The following SSBP3 variants were observed in gnomAD, a reference collection of about 807,000 sequenced individuals.
The protein encoded by SSBP3 is single stranded DNA binding protein 3.
Under a neutral mutation model 69.6 loss-of-function variants are expected in SSBP3, and 5 were observed. The observed-to-expected ratio is 0.07, with a 90% CI of 0.04 to 0.15. The LOEUF is 0.15. Among genes scored for constraint, SSBP3 ranks in the 10% least tolerant of loss-of-function variants. SSBP3 has a pLI of 1.00. For synonymous variants in SSBP3, 196 were observed against 193.4 expected (o/e 1.01, Z -0.11); for missense variants, 312 against 534.0 (o/e 0.58, Z 4.10).
chr1:54,245,307 G>A (rs186114537), intron 9 of SSBP3, among the ~76,000 whole-genome samples: 48 of 152,276 alleles, frequency 3.2e-4, no homozygotes, highest in Admixed American at 2.6e-3. Context: ...GAAGGTCTGA[G>A]GGAGAAAGTT....
intron 4 of SSBP3, among the ~76,000 whole-genome samples, chr1:54,322,931 G>T (rs572709617): frequency 6.6e-6 from 1 of 152,204 alleles, no homozygotes; most frequent in African/African-American, 2.4e-5. Flanking sequence ...ATAAAAAGCC[G>T]TAATTGTCCC....
intron 4 of SSBP3, among the ~76,000 whole-genome samples, chr1:54,302,843 A>C (rs1645827272): frequency 6.6e-6 from 1 of 152,196 alleles, no homozygotes; most frequent in African/African-American, 2.4e-5. Flanking sequence ...CTGCAGACCA[A>C]GTCAGTGCGG....
intron 4 of SSBP3, among the ~76,000 whole-genome samples, chr1:54,351,731 C>T (rs561064362): frequency 3.3e-5 from 5 of 152,216 alleles, no homozygotes; most frequent in Admixed American, 6.5e-5. Context: ...ATTACTCCCA[C>T]GGAGTGACCT....
At chr1:54,357,415 G>A (rs933918394) in intron 4 of SSBP3, among the ~76,000 whole-genome samples, 6 of 151,998 alleles carry the variant, frequency 3.9e-5, no homozygotes, top group African/African-American at 1.4e-4. Flanking sequence ...CAGTGCTTCA[G>A]TAAGTTTTTT....
rs185969894 is a variant in SSBP3, at chr1:54,241,423, C to T, written c.801+51G>A. 644 of 1,601,790 alleles carry T rather than the reference C, an allele frequency of 4.0e-4. No homozygotes were observed. In the African/African-American group the frequency reaches 5.7e-3, roughly 14 times the overall value. ...GGGACCCCAGACCAGTTCTCTTGCACACTCAGTCCCACGTGGCTAGACATG... is the reference window on the plus strand; with the variant it reads ...GGGACCCCAGACCAGTTCTCTTGCATACTCAGTCCCACGTGGCTAGACATG... On this transcript the variant is annotated intron_variant, in intron 12 of 17. Transcript: ENST00000610401.
chr1:54,240,774 T>C (rs1042414769), intron 13 of SSBP3, 131 bp downstream of exon 13: 70 of 1,190,626 alleles, frequency 5.9e-5, no homozygotes, highest in Non-Finnish European at 8.2e-5. Flanking sequence ...AAATGCCCAG[T>C]GGAAGATGTG....
chr1:54,296,318 T>C (rs1282299119), intron 4 of SSBP3, among the ~76,000 whole-genome samples: 1 of 152,236 alleles, frequency 6.6e-6, no homozygotes, highest in Non-Finnish European at 1.5e-5. Context: ...AGCCTGAAAC[T>C]TGCAAGTCAG....
At chr1:54,250,733 A>G (rs1220511345) in intron 9 of SSBP3, among the ~76,000 whole-genome samples, 1 of 152,178 alleles carries the variant, frequency 6.6e-6, no homozygotes, top group Non-Finnish European at 1.5e-5. Context: ...GTTAGGGGCT[A>G]GAGAATTCCC....
intron 5 of SSBP3, among the ~76,000 whole-genome samples, chr1:54,279,894 T>C (rs3753406): frequency 0.26 from 39,468 of 152,052 alleles, 5,521 homozygotes; most frequent in South Asian, 0.47. Flanking sequence ...AACCCATCTT[T>C]AATATGTCTG....
At chr1:54,229,948 G>A (rs1557436603) in intron 14 of SSBP3, among the ~76,000 whole-genome samples, 1 of 152,368 alleles carries the variant, frequency 6.6e-6, no homozygotes, top group South Asian at 2.1e-4. Context: ...GCAAGGCAGA[G>A]AAATCAGAAC....
chr1:54,294,092 G>T (rs570583507), intron 4 of SSBP3, among the ~76,000 whole-genome samples: 1 of 135,320 alleles, frequency 7.4e-6, no homozygotes, highest in East Asian at 2.5e-4. Flanking sequence ...GCAGTGAGCC[G>T]AGATCACGCC....
At chr1:54,300,936 C>A (rs1440465547) in intron 4 of SSBP3, among the ~76,000 whole-genome samples, 1 of 152,240 alleles carries the variant, frequency 6.6e-6, no homozygotes, top group East Asian at 1.9e-4. Context: ...CTGATATCCA[C>A]GGGCATTTCC....
intron 14 of SSBP3, among the ~76,000 whole-genome samples, chr1:54,234,474 G>A (rs995052236): frequency 6.6e-6 from 1 of 152,106 alleles, no homozygotes; most frequent in Non-Finnish European, 1.5e-5. Flanking sequence ...TGTAGTCCCA[G>A]CTACTCAGGA....
chr1:54,253,674 G>C (rs534917421), intron 7 of SSBP3, among the ~76,000 whole-genome samples: 1 of 152,298 alleles, frequency 6.6e-6, no homozygotes, highest in African/African-American at 2.4e-5. Context: ...GGGGTTTGTG[G>C]TTTTTATAGA....
chr1:54,245,304 T>C (rs1463854285), intron 9 of SSBP3, among the ~76,000 whole-genome samples: 1 of 152,180 alleles, frequency 6.6e-6, no homozygotes, highest in East Asian at 1.9e-4. Flanking sequence ...ACTGAAGGTC[T>C]GAGGGAGAAA....
chr1:54,338,343 C>T (rs1040240519), intron 4 of SSBP3, among the ~76,000 whole-genome samples: 45 of 152,228 alleles, frequency 3.0e-4, no homozygotes, highest in African/African-American at 9.6e-4. Context: ...GGGACAATAC[C>T]TTATTCTACT....
chr1:54,300,407 A>G (rs1645780395), intron 4 of SSBP3, among the ~76,000 whole-genome samples: 1 of 152,198 alleles, frequency 6.6e-6, no homozygotes, highest in African/African-American at 2.4e-5. Flanking sequence ...TCAGGGGCCC[A>G]GAGCAGGTGC....
chr1:54,305,375 A>G (rs1166373544), intron 4 of SSBP3, among the ~76,000 whole-genome samples: 2 of 151,170 alleles, frequency 1.3e-5, no homozygotes, highest in African/African-American at 2.4e-5. Context: ...AAATAGCACC[A>G]TTTTCTATGA....
chr1:54,318,238 T>C (rs1333051050), intron 4 of SSBP3, among the ~76,000 whole-genome samples: 4 of 152,168 alleles, frequency 2.6e-5, no homozygotes, highest in African/African-American at 7.2e-5. Flanking sequence ...AGTATTTCAA[T>C]ACCCTCCAAA....
Sources: gnomAD v4.1 joint callset for allele counts (sites outside exome capture counted in the v4.1 genomes callset) on GRCh38, gnomAD v4.1.1 for gene constraint, MANE v1.5 for transcripts, NCBI Gene and HGNC (gene_info 2026-07-23, HGNC 2026-07-21) for gene names.